Variants in SYT10 observed in about 807,000 individuals in gnomAD.
The protein encoded by SYT10 is synaptotagmin-10.
In SYT10, 31 loss-of-function variants were observed where a neutral mutation model predicts 51.1. The observed-to-expected ratio is 0.61, with a 90% confidence interval of 0.46 to 0.82. The LOEUF (loss-of-function observed/expected upper bound fraction) is 0.82, where lower values mean the gene tolerates loss of function less well. SYT10 is among the 40% of genes least tolerant of loss of function. SYT10 has a pLI of 0.00. For missense variants in SYT10, 603 were observed against 634.0 expected (o/e 0.95, Z 0.53); for synonymous variants, 233 against 225.9 (o/e 1.03, Z -0.28).
chr12:33,410,759 G>C (rs2138419126), intron 2 of SYT10, among the ~76,000 whole-genome samples: 1 of 152,092 alleles, frequency 6.6e-6, no homozygotes, highest in Non-Finnish European at 1.5e-5. Flanking sequence ...TAGTGCTAAA[G>C]TATGCCAAGA....
intron 1 of SYT10, among the ~76,000 whole-genome samples, chr12:33,438,601 T>C (rs1183538866): frequency 3.3e-5 from 5 of 152,158 alleles, no homozygotes; most frequent in Non-Finnish European, 4.4e-5. Flanking sequence ...ATCCAGCCCA[T>C]TTCCTAGTTT....
At position 33,385,071 on chromosome 12, in the gene SYT10, C is replaced by G. The variant is rs1461801806; in HGVS notation, c.1198+100G>C. The G allele has an allele frequency of 2.1e-6, 3 of 1,409,532 alleles. No individual in the cohort carries two copies. In the African/African-American group the frequency reaches 4.3e-5, roughly 20 times the overall value. 87.3% of individuals were successfully genotyped at this position (1,409,532 alleles called of 1,614,324 possible). ...CTTTTTTTTTCTTTTGTAGTACTCC[C>G]ATTATAGGCAAATAATTCAGTAGTC... On this transcript the variant is annotated intron_variant, in intron 4 of 6. Transcript: ENST00000228567.
At chr12:33,419,805 G>A (rs1866486046) in intron 2 of SYT10, among the ~76,000 whole-genome samples, 1 of 152,140 alleles carries the variant, frequency 6.6e-6, no homozygotes, top group Non-Finnish European at 1.5e-5. Context: ...CTGATCTACA[G>A]ATAACGTTCT....
chr12:33,436,745 C>G (rs529743719), intron 1 of SYT10, among the ~76,000 whole-genome samples: 9 of 152,334 alleles, frequency 5.9e-5, no homozygotes, highest in Admixed American at 2.0e-4. Flanking sequence ...ATTTCTCTCC[C>G]ACTATCTCTA....
Position 33,376,894 on chromosome 12 carries a change from C to T in SYT10, c.1508G>A (p.Gly503Asp), listed in dbSNP as rs1412702720. The change falls in exon 7 of 7, where the codon GGC becomes GAC. Residue 503 changes from glycine (G) to aspartate (D), a missense_variant. By Grantham distance (94) the Gly-to-Asp change is moderately conservative. Coordinates refer to ENST00000228567, the MANE Select transcript of SYT10 (RefSeq NM_198992.4). ...THWHPLLELPGRATSFDSQGS... is the reference protein window; with the variant it reads ...THWHPLLELPDRATSFDSQGS... Reference sequence around the variant, plus strand: ...TTGACTATCAAAACTGGTCGCCCGGCCAGGTAACTGAAAGACAAAAATTTC... The same window carrying T: ...TTGACTATCAAAACTGGTCGCCCGGTCAGGTAACTGAAAGACAAAAATTTC... 6.2e-7 allele frequency: 1 copy of T among 1,613,882 alleles called. No individual in the cohort carries two copies. Among genetic ancestry groups the T allele is most frequent in the Non-Finnish European group, 8.5e-7 (1 of 1,179,954 alleles).
rs1390576256 is a variant in SYT10, at chr12:33,439,417, C to T, written c.106G>A (p.Gly36Ser). 2 of 1,614,032 alleles carry T rather than the reference C, an allele frequency of 1.2e-6. No homozygotes were observed. Among genetic ancestry groups the T allele is most frequent in the South Asian group, 1.1e-5 (1 of 91,090 alleles). ...AGQVEWEKCS[G>S]IFPRDRGSQG... ...CTGCCCCTGTCCCGAGGGAAGATGC[C>T]CGAGCACTTCTCCCACTCCACCTGG... is the stretch of plus-strand genomic sequence containing the variant. Residue 36 changes from glycine to serine, a missense_variant, in exon 1 of 7, where the codon GGC becomes AGC. By Grantham distance (56) the Gly-to-Ser change is moderately conservative. Coordinates refer to ENST00000228567, the MANE Select transcript of SYT10 (RefSeq NM_198992.4).
At chr12:33,407,529 A>G (rs1591990422) in intron 2 of SYT10, among the ~76,000 whole-genome samples, 173 bp from the exon 3 acceptor site, 1 of 152,252 alleles carries the variant, frequency 6.6e-6, no homozygotes, top group South Asian at 2.1e-4. Context: ...ATAAAGAAGT[A>G]CAATATTCAA....
intron 2 of SYT10, 34 bp from the exon 3 acceptor site, chr12:33,407,390 G>A (rs1866367378): frequency 5.7e-6 from 9 of 1,583,528 alleles, no homozygotes; most frequent in Non-Finnish European, 7.7e-6. Flanking sequence ...AAATCATTGA[G>A]GGAGATCATT....
At chr12:33,399,779 T>C (rs140090588) in intron 3 of SYT10, among the ~76,000 whole-genome samples, 150 of 152,280 alleles carry the variant, frequency 9.9e-4, no homozygotes, top group African/African-American at 3.5e-3. Context: ...TAATTTTAAA[T>C]TAACATAGAT....
At chr12:33,419,279 G>T (rs1866480177) in intron 2 of SYT10, among the ~76,000 whole-genome samples, 1 of 151,996 alleles carries the variant, frequency 6.6e-6, no homozygotes. Flanking sequence ...TGTGTGTGTG[G>T]GGGGACTTTT....
Position 33,406,947 on chromosome 12 carries a change from C to T in SYT10, c.919G>A (p.Asp307Asn). Reference protein sequence around the residue: ...DETFQFPVAYDQLSNRKLHFS... With the variant: ...DETFQFPVAYNQLSNRKLHFS... ...TGTAGTTTTCGGTTGCTTAGTTGAT[C>T]ATATGCTACAGGAAATTGAAAAGTT... The change falls in exon 3 of 7, where the codon GAT becomes AAT. Residue 307 changes from aspartate (D) to asparagine (N), a missense_variant. By Grantham distance (23) the Asp-to-Asn change is conservative. Transcript: ENST00000228567. 1 of 1,614,056 alleles carries T rather than the reference C, an allele frequency of 6.2e-7. No homozygotes were observed. Among genetic ancestry groups the T allele is most frequent in the Non-Finnish European group, 8.5e-7 (1 of 1,180,008 alleles).
At chr12:33,408,034 G>A (rs1866374809) in intron 2 of SYT10, 2 of 152,202 alleles carry the variant, frequency 1.3e-5, no homozygotes, top group Non-Finnish European at 1.5e-5. Flanking sequence ...AATTGTGAAT[G>A]TTATCAGTCA....
At chr12:33,412,613 C>T (rs1418257194) in intron 2 of SYT10, among the ~76,000 whole-genome samples, 3 of 152,084 alleles carry the variant, frequency 2.0e-5, no homozygotes, top group Non-Finnish European at 4.4e-5. Context: ...CACCAACCTG[C>T]AGCTAAGGGT....
intron 3 of SYT10, among the ~76,000 whole-genome samples, chr12:33,401,226 T>C (rs1036021416): frequency 9.2e-5 from 14 of 152,192 alleles, no homozygotes; most frequent in African/African-American, 3.4e-4. Context: ...TTCCCGTGTG[T>C]CTTTACATAG....
At chr12:33,390,593 TG>T (rs1375236152) in intron 3 of SYT10, among the ~76,000 whole-genome samples, 1 of 152,098 alleles carries the variant, frequency 6.6e-6, no homozygotes, top group Non-Finnish European at 1.5e-5. Context: ...ATAAATAATT[TG>T]CAAGGTAGAT....
At chr12:33,411,442 G>A (rs1866404116) in intron 2 of SYT10, among the ~76,000 whole-genome samples, 1 of 151,988 alleles carries the variant, frequency 6.6e-6, no homozygotes, top group Non-Finnish European at 1.5e-5. Flanking sequence ...AGACCATTGT[G>A]TACAAAATTC....
In SYT10 at chr12:33,415,886, C is replaced by T. The variant is rs74953646; in HGVS notation, c.510-8530G>A. Among the ~76,000 whole-genome samples, 1,007 of 152,222 alleles carry T rather than the reference C, an allele frequency of 6.6e-3. 10 individuals carry two copies. The highest frequency in any genetic ancestry group is 0.022 in the African/African-American group (926 of 41,520). On this transcript the variant is annotated intron_variant, in intron 2 of 6. Coordinates refer to ENST00000228567, the MANE Select transcript of SYT10 (RefSeq NM_198992.4). ...GGATTTTTTAAAATAATCCATTGAC[C>T]TCTATATCCTTAATCCCTTTTTAGA...
chr12:33,383,008 C>T (rs1348761737), intron 4 of SYT10, among the ~76,000 whole-genome samples: 1 of 152,088 alleles, frequency 6.6e-6, no homozygotes, highest in East Asian at 1.9e-4. Flanking sequence ...CTACATCATG[C>T]CAATTACGGG....
At chr12:33,391,751 C>T (rs539335566) in intron 3 of SYT10, among the ~76,000 whole-genome samples, 2 of 152,232 alleles carry the variant, frequency 1.3e-5, no homozygotes, top group African/African-American at 2.4e-5. Flanking sequence ...AAACATACTA[C>T]TTTTCTTTTT....
Sources: allele counts gnomAD v4.1 joint callset (sites outside exome capture counted in the v4.1 genomes callset), GRCh38; gene constraint gnomAD v4.1.1; transcripts MANE v1.5; gene names NCBI Gene and HGNC (gene_info 2026-07-23, HGNC 2026-07-21).